The following DNER variants were observed in gnomAD, a reference collection of about 807,000 sequenced individuals.
DNER encodes delta and Notch-like epidermal growth factor-related receptor.
Under a neutral mutation model 78.2 loss-of-function variants are expected in DNER, and 33 were observed. The observed-to-expected ratio is 0.42, with a 90% CI of 0.32 to 0.56. The LOEUF (loss-of-function observed/expected upper bound fraction) is 0.56, where lower values mean the gene tolerates loss of function less well. Among genes scored for constraint, DNER ranks in the 20% least tolerant of loss-of-function variants. The pLI, the probability that DNER is intolerant of heterozygous loss-of-function variation, is 0.11. For synonymous variants in DNER, 417 were observed against 384.8 expected, an observed-to-expected ratio of 1.08 and a Z score of -0.98; for missense variants, 918 against 975.3, an observed-to-expected ratio of 0.94 and a Z score of 0.78.
chr2:229,693,897 T>C (rs2193221), intron 1 of DNER, among the ~76,000 whole-genome samples: 152,351 of 152,360 alleles, frequency 1, 76,172 homozygotes, highest in Middle Eastern at 1. Context: ...ATGTTAATCA[T>C]GAAAACAATG....
At chr2:229,427,990 G>T (rs915635294) in intron 8 of DNER, among the ~76,000 whole-genome samples, 2 of 150,624 alleles carry the variant, frequency 1.3e-5, no homozygotes, top group Non-Finnish European at 2.9e-5. Context: ...CGGGAGAATT[G>T]CTTGAACCCG....
chr2:229,398,571 T>C (rs1693200183), intron 10 of DNER, among the ~76,000 whole-genome samples: 1 of 152,138 alleles, frequency 6.6e-6, no homozygotes, highest in Non-Finnish European at 1.5e-5. Flanking sequence ...AACAAAACTA[T>C]TTTGTGTCTA....
chr2:229,702,700 G>A (rs1356145518), intron 1 of DNER, among the ~76,000 whole-genome samples: 1 of 151,890 alleles, frequency 6.6e-6, no homozygotes, highest in Admixed American at 6.6e-5. Flanking sequence ...GGCGGATCAC[G>A]AGGTCAGGAG....
rs775349390 is a variant in DNER, at chr2:229,388,221, C to T, written c.1855+44G>A. The T allele has an allele frequency of 3.5e-5, 55 of 1,576,118 alleles. No homozygotes were observed. In the African/African-American group the frequency reaches 5.5e-4, roughly 16 times the overall value. On this transcript the variant is annotated intron_variant, in intron 11 of 12. Coordinates refer to ENST00000341772, the MANE Select transcript of DNER (RefSeq NM_139072.4). ...ATGAAGGAAAATGCTTAAGTAACAG[C>T]TATAAATGTTAAATAACAGTGGCTG...
intron 9 of DNER, 60 bp downstream of exon 9, chr2:229,418,048 G>A: frequency 6.2e-7 from 1 of 1,611,990 alleles, no homozygotes; most frequent in Non-Finnish European, 8.5e-7. Flanking sequence ...CATTTACACT[G>A]AGAAATACAT....
At chr2:229,421,659 A>G (rs9752052) in intron 8 of DNER, among the ~76,000 whole-genome samples, 2,337 of 144,608 alleles carry the variant, frequency 0.016, 31 homozygotes, top group African/African-American at 0.02. Context: ...AGAGAGAGAG[A>G]GAGAAAGTGG....
rs576108916 is a variant in DNER at position 229,390,320 on chromosome 2, C to G, written c.1724-1924G>C. Among the ~76,000 whole-genome samples the G allele has an allele frequency of 1.4e-4, 22 of 152,370 alleles. No homozygotes were observed. The South Asian group carries it at 4.4e-3, about 30-fold the overall frequency. On this transcript the variant is annotated intron_variant, in intron 10 of 12. Transcript: ENST00000341772. ...AAAGCCTCACTCTGCTTCACGAAGT[C>G]CAATGTCAATGACATATGCTTTTCA...
At chr2:229,669,201 T>C (rs977950803) in intron 1 of DNER, among the ~76,000 whole-genome samples, 12 of 151,964 alleles carry the variant, frequency 7.9e-5, no homozygotes, top group African/African-American at 2.9e-4. Flanking sequence ...GAACATCACA[T>C]ACCGGGGCCT....
chr2:229,653,785 A>G (rs893016677), intron 1 of DNER, among the ~76,000 whole-genome samples: 1 of 152,198 alleles, frequency 6.6e-6, no homozygotes, highest in Non-Finnish European at 1.5e-5. Context: ...CATGTAACAC[A>G]TGTGCTTTGT....
At chr2:229,621,768 AG>A (rs1351450348) in intron 1 of DNER, among the ~76,000 whole-genome samples, 1 of 152,098 alleles carries the variant, frequency 6.6e-6, no homozygotes, top group Non-Finnish European at 1.5e-5. Context: ...AAGGCTCCCA[AG>A]GGGTCTCAGA....
intron 4 of DNER, among the ~76,000 whole-genome samples, chr2:229,562,331 A>G (rs974506406): frequency 2.6e-5 from 4 of 152,180 alleles, no homozygotes; most frequent in Non-Finnish European, 5.9e-5. Flanking sequence ...GTAGTGACAA[A>G]GCTGAGTAGT....
intron 10 of DNER, among the ~76,000 whole-genome samples, chr2:229,391,421 A>C (rs1693014042): frequency 6.6e-6 from 1 of 152,126 alleles, no homozygotes; most frequent in East Asian, 1.9e-4. Flanking sequence ...TTCAAAAAAA[A>C]CAATTATTCT....
intron 11 of DNER, among the ~76,000 whole-genome samples, chr2:229,375,504 C>T (rs1207046960): frequency 6.6e-6 from 1 of 152,186 alleles, no homozygotes; most frequent in African/African-American, 2.4e-5. Context: ...GGAGAGGATG[C>T]ATTCCTGGTG....
chr2:229,571,393 G>A (rs1697216402), intron 4 of DNER, among the ~76,000 whole-genome samples: 1 of 151,972 alleles, frequency 6.6e-6, no homozygotes, highest in Non-Finnish European at 1.5e-5. Context: ...CTCACCATCT[G>A]TCTCCAGCTC....
intron 11 of DNER, among the ~76,000 whole-genome samples, chr2:229,381,410 G>A (rs1009777559): frequency 6.6e-6 from 1 of 152,100 alleles, no homozygotes; most frequent in Admixed American, 6.5e-5. Context: ...GTGGCTCCTG[G>A]AACACCAGTG....
intron 1 of DNER, among the ~76,000 whole-genome samples, chr2:229,604,616 T>C (rs1465343): frequency 0.016 from 2,501 of 152,300 alleles, 74 homozygotes; most frequent in African/African-American, 0.057. Context: ...CCTGCCTGGC[T>C]TCTTGACTGC....
At chr2:229,615,441 G>T (rs1433053707) in intron 1 of DNER, among the ~76,000 whole-genome samples, 1 of 151,690 alleles carries the variant, frequency 6.6e-6, no homozygotes, top group Admixed American at 6.6e-5. Context: ...CGGGCGCGGT[G>T]GTTCACGCCT....
chr2:229,625,885 T>A (rs1261751256), intron 1 of DNER, among the ~76,000 whole-genome samples: 1 of 22,732 alleles, frequency 4.4e-5, no homozygotes, highest in Admixed American at 4.1e-4. Context: ...TATGCAACTT[T>A]GTTTTTGTTG....
intron 8 of DNER, among the ~76,000 whole-genome samples, chr2:229,429,718 C>T (rs944203257): frequency 6.6e-6 from 1 of 152,352 alleles, no homozygotes; most frequent in South Asian, 2.1e-4. Context: ...ACCAGCTCAG[C>T]ACTGACATGG....
Sources: gnomAD v4.1 joint callset for allele counts (sites outside exome capture counted in the v4.1 genomes callset) on GRCh38, gnomAD v4.1.1 for gene constraint, MANE v1.5 for transcripts, NCBI Gene and HGNC (gene_info 2026-07-23, HGNC 2026-07-21) for gene names.